The following TAF5L variants were observed in gnomAD, a reference collection of about 807,000 sequenced individuals.
TAF5L encodes TAF5-like RNA polymerase II p300/CBP-associated factor-associated factor 65 kDa subunit 5L.
In TAF5L, 7 loss-of-function variants were observed where a neutral mutation model predicts 51.3. That is an observed-to-expected ratio of 0.14 (90% confidence interval 0.08 to 0.26). The LOEUF (loss-of-function observed/expected upper bound fraction) is 0.26. Ranked by LOEUF, TAF5L falls within the 10% of genes least tolerant of loss-of-function variation. The pLI, the probability that TAF5L is intolerant of heterozygous loss-of-function variation, is 1.00. For missense variants in TAF5L, 575 were observed against 758.9 expected, an observed-to-expected ratio of 0.76 and a Z score of 2.85; for synonymous variants, 291 against 308.1, an observed-to-expected ratio of 0.94 and a Z score of 0.58.
exon 5 of TAF5L, chr1:229,593,665 C>T (rs1012229624): frequency 6.6e-6 from 1 of 152,048 alleles, no homozygotes. Flanking sequence ...AGTATCAAAA[C>T]CAGTGCCAGG....
rs551439690 is a variant in TAF5L, at chr1:229,595,471, C to T, written c.973-377G>A. On this transcript the variant is annotated intron_variant, in intron 4 of 4. Coordinates refer to ENST00000258281, the Ensembl canonical transcript of TAF5L. ...TTGAAAATATTTACTTTTGAATTTA[C>T]GTGAGGCTCTTAGATTGTTCTATTC... 6.4e-4 allele frequency among the ~76,000 whole-genome samples: 97 copies of T among 152,270 alleles called. 5 individuals are homozygous for T. In the South Asian group the frequency reaches 0.02, roughly 31 times the overall value.
At chr1:229,622,059 A>ATCTATCTCTCTC (rs1553272225) in intron 1 of TAF5L, among the ~76,000 whole-genome samples, 1 of 151,460 alleles carries the variant, frequency 6.6e-6, no homozygotes, top group African/African-American at 2.4e-5. Context: ...CTATCTATCT[A>ATCTATCTCTCTC]TCTATCTATA....
chr1:229,594,663 A>G lies in TAF5L; in HGVS notation c.1404T>C (p.Arg468=). ...AAAAGGCGAGAGAAAGCACGGGGCCACGGTGGCCTGTGAAAAGCCTCACCG... is the reference window on the plus strand; with the variant it reads ...AAAAGGCGAGAGAAAGCACGGGGCCGCGGTGGCCTGTGAAAAGCCTCACCG... Residue 468 remains arginine (R), a synonymous_variant, in exon 5 of 5, where the codon CGT becomes CGC. Transcript: ENST00000258281. This position sits in a 1 kb window ranked among gnomAD's most constrained non-coding sequence, Gnocchi z 7.9. 1.9e-6 allele frequency: 3 copies of G among 1,614,082 alleles called. No individual in the cohort carries two copies. In the East Asian group the frequency reaches 6.7e-5, roughly 36 times the overall value.
chr1:229,613,751 T>C (rs1664873768), intron 2 of TAF5L, among the ~76,000 whole-genome samples: 2 of 152,322 alleles, frequency 1.3e-5, no homozygotes, highest in Non-Finnish European at 2.9e-5. Flanking sequence ...AACCAATCCT[T>C]TATGGATACT....
intron 4 of TAF5L, chr1:229,600,592 C>T: frequency 2.0e-6 from 2 of 985,458 alleles, no homozygotes; most frequent in Non-Finnish European, 2.4e-6. Context: ...GTTTGGCCGC[C>T]ATAATTGCTC....
chr1:229,606,309 T>C (rs1664594111), intron 3 of TAF5L: 2 of 825,374 alleles, frequency 2.4e-6, no homozygotes, highest in Admixed American at 1.2e-4. Flanking sequence ...ACTGAAAGTG[T>C]ACTCACTTAA....
intron 3 of TAF5L, among the ~76,000 whole-genome samples, chr1:229,604,646 A>G (rs1172191375): frequency 6.6e-6 from 1 of 152,156 alleles, no homozygotes; most frequent in Non-Finnish European, 1.5e-5. Flanking sequence ...CAATCCATAC[A>G]GGACTATGAA....
At chr1:229,607,227 T>G (rs1664629646) in intron 3 of TAF5L, 2 of 985,282 alleles carry the variant, frequency 2.0e-6, no homozygotes, top group Non-Finnish European at 2.4e-6. Flanking sequence ...TCCACCTTGG[T>G]AATTTAACTA....
intron 3 of TAF5L, chr1:229,606,912 A>T (rs1035424265): frequency 1.0e-6 from 1 of 985,294 alleles, no homozygotes; most frequent in African/African-American, 1.7e-5. Context: ...GGATATAGAC[A>T]TAGATACTCT....
intron 1 of TAF5L, among the ~76,000 whole-genome samples, chr1:229,623,069 G>T (rs1298398962): frequency 6.6e-6 from 1 of 152,198 alleles, no homozygotes; most frequent in African/African-American, 2.4e-5. Context: ...CCGAGGTCAG[G>T]AGTTCAAGAC....
intron 2 of TAF5L, among the ~76,000 whole-genome samples, chr1:229,613,136 G>A (rs1351095132): frequency 6.7e-6 from 1 of 150,224 alleles, no homozygotes; most frequent in East Asian, 2.0e-4. Context: ...TGGACAACAT[G>A]GTAAGACCCC....
chr1:229,607,448 C>T (rs1664637348), intron 3 of TAF5L: 1 of 985,338 alleles, frequency 1.0e-6, no homozygotes, highest in African/African-American at 1.7e-5. Flanking sequence ...TGTTCCTGTA[C>T]AGTCGTCAAG....
At chr1:229,601,211 C>T (rs1218190055) in intron 4 of TAF5L, 3 of 985,220 alleles carry the variant, frequency 3.0e-6, no homozygotes, top group Non-Finnish European at 3.6e-6. Flanking sequence ...AAAACAGGAA[C>T]AGGAAAACAA....
chr1:229,608,090 C>T (rs1057427566), intron 3 of TAF5L, among the ~76,000 whole-genome samples: 5 of 152,146 alleles, frequency 3.3e-5, no homozygotes, highest in African/African-American at 1.2e-4. Context: ...GACGAGTATA[C>T]AGTAATCAAT....
chr1:229,602,995 A>AGTG lies in TAF5L; in HGVS notation c.248-77_248-76insCAC. 1 of 1,485,874 alleles carries AGTG rather than the reference A, an allele frequency of 6.7e-7. No homozygotes were observed. The highest frequency in any genetic ancestry group is 8.9e-7 in the Non-Finnish European group (1 of 1,128,070). The allele number at this position is 1,485,874 out of a possible 1,614,324, so 92.0% of individuals were successfully genotyped here. A position where few individuals can be genotyped will look rare whatever the true frequency, so the allele number is the denominator to read the frequency against. ...AACGTGATCCCTCCTGGGGATCACC[A>AGTG]CCATCATATAATGCTTTCTTGCCAG... On this transcript the variant is annotated intron_variant, in intron 3 of 4. Coordinates refer to ENST00000258281, the Ensembl canonical transcript of TAF5L. The surrounding 1 kb of genome is among the most constrained non-coding windows in gnomAD (Gnocchi z 4.6).
At chr1:229,624,151 G>A (rs1364525322) in intron 1 of TAF5L, among the ~76,000 whole-genome samples, 2 of 152,056 alleles carry the variant, frequency 1.3e-5, no homozygotes, top group African/African-American at 2.4e-5. Context: ...CTAATATATT[G>A]CTTGCAAAAC....
In TAF5L at chr1:229,596,821, C is replaced by T. The variant is rs528141234; in HGVS notation, c.973-1727G>A. ...TGATGAAGATCCCCAAACCAGTCAGCTTTGTTGGTTCATTGTGGCAGCCTT... is the reference window on the plus strand; with the variant it reads ...TGATGAAGATCCCCAAACCAGTCAGTTTTGTTGGTTCATTGTGGCAGCCTT... On this transcript the variant is annotated intron_variant, in intron 4 of 4. Transcript: ENST00000258281. 4.6e-5 allele frequency among the ~76,000 whole-genome samples: 7 copies of T among 152,290 alleles called. No individual in the cohort carries two copies. The East Asian group carries it at 1.3e-3, about 29-fold the overall frequency.
At position 229,606,711 on chromosome 1, in the gene TAF5L, G is replaced by A. The variant is rs1249499453; in HGVS notation, c.247+3395C>T. 5.1e-6 allele frequency: 5 copies of A among 985,284 alleles called. No homozygotes were observed. In the East Asian group the frequency reaches 3.4e-4, roughly 67 times the overall value. 61.0% of individuals were successfully genotyped at this position (985,284 alleles called of 1,614,324 possible). A position where few individuals can be genotyped will look rare whatever the true frequency, so the allele number is the denominator to read the frequency against. ...TTAACACTGGGTGTGTGCCTCTTAG[G>A]AGCCAGGTACTTTGCATCCATGATC... On this transcript the variant is annotated intron_variant, in intron 3 of 4. Transcript: ENST00000258281.
At chr1:229,598,826 G>C (rs1033087938) in intron 4 of TAF5L, among the ~76,000 whole-genome samples, 6 of 151,822 alleles carry the variant, frequency 4.0e-5, no homozygotes, top group African/African-American at 1.2e-4. Context: ...AGCCTCCTGA[G>C]TTGCTGGGAT....
Sources: allele counts gnomAD v4.1 joint callset (sites outside exome capture counted in the v4.1 genomes callset), GRCh38; gene constraint gnomAD v4.1.1; non-coding constraint Gnocchi (gnomAD v3.1); transcripts MANE v1.5; gene names NCBI Gene and HGNC (gene_info 2026-07-23, HGNC 2026-07-21).